GPRC6A: variants seen among roughly 807,000 people sequenced by gnomAD.
GPRC6A encodes the protein G protein-coupled receptor class C group 6 member A.
GPRC6A carries 54 observed loss-of-function variants against 47.0 expected under a neutral mutation model. That is an observed-to-expected ratio of 1.15 (90% CI 0.92 to 1.44). The LOEUF (loss-of-function observed/expected upper bound fraction) is 1.44, where lower values mean the gene tolerates loss of function less well. GPRC6A is among the 40% of genes most tolerant of loss of function. GPRC6A has a pLI of 0.00. For missense variants in GPRC6A, 1,112 were observed against 1,105.5 expected, an observed-to-expected ratio of 1.01 and a Z score of -0.08; for synonymous variants, 347 against 377.1, an observed-to-expected ratio of 0.92 and a Z score of 0.93.
At chr6:116,812,872 CA>C (rs2114604909) in intron 1 of GPRC6A, among the ~76,000 whole-genome samples, 1 of 152,240 alleles carries the variant, frequency 6.6e-6, no homozygotes, top group South Asian at 2.1e-4. Flanking sequence ...TCATCTCAGC[CA>C]AAAATCTCCT....
At chr6:116,824,669 A>T (rs1773621837) in intron 1 of GPRC6A, among the ~76,000 whole-genome samples, 1 of 152,040 alleles carries the variant, frequency 6.6e-6, no homozygotes, top group African/African-American at 2.4e-5. Context: ...ATATATAAAG[A>T]AGAAATAATA....
chr6:116,822,978 G>A (rs1436110868), intron 1 of GPRC6A, among the ~76,000 whole-genome samples: 1 of 150,948 alleles, frequency 6.6e-6, no homozygotes, highest in South Asian at 2.1e-4. Flanking sequence ...CTGCCATGGA[G>A]GTCTCTGAAA....
At chr6:116,808,867 G>T (rs190098678) in intron 2 of GPRC6A, among the ~76,000 whole-genome samples, 3 of 151,952 alleles carry the variant, frequency 2.0e-5, no homozygotes, top group Admixed American at 2.0e-4. Flanking sequence ...TTATTTTCTG[G>T]TTATTGGCTT....
At chr6:116,807,994 CCTT>C (rs1489670572) in intron 2 of GPRC6A, among the ~76,000 whole-genome samples, 2 of 150,378 alleles carry the variant, frequency 1.3e-5, no homozygotes, top group South Asian at 2.1e-4. Flanking sequence ...TTCTTTCGTT[CCTT>C]CTTTTTTTTT....
intron 1 of GPRC6A, among the ~76,000 whole-genome samples, chr6:116,812,772 A>G (rs1773069666): frequency 6.6e-6 from 1 of 152,220 alleles, no homozygotes; most frequent in Non-Finnish European, 1.5e-5. Context: ...ATCAGGCAAG[A>G]TAAAGAAATA....
intron 2 of GPRC6A, 25 bp downstream of exon 2, chr6:116,809,289 T>C (rs1425181122): frequency 6.3e-7 from 1 of 1,578,748 alleles, no homozygotes; most frequent in Admixed American, 1.7e-5. Context: ...TCAAAAGCAA[T>C]GTTTGGAGGT....
chr6:116,822,181 G>T (rs1773511807), intron 1 of GPRC6A, among the ~76,000 whole-genome samples: 1 of 126,112 alleles, frequency 7.9e-6, no homozygotes, highest in Non-Finnish European at 1.6e-5. Context: ...ACACCAGTTA[G>T]AATGGCAATC....
At chr6:116,819,103 G>C (rs947989390) in intron 1 of GPRC6A, among the ~76,000 whole-genome samples, 1 of 152,040 alleles carries the variant, frequency 6.6e-6, no homozygotes, top group Admixed American at 6.6e-5. Context: ...GATCAAAAGA[G>C]ACAAAGAAGG....
chr6:116,823,075 T>TC (rs779594298), intron 1 of GPRC6A, among the ~76,000 whole-genome samples: 48 of 152,142 alleles, frequency 3.2e-4, no homozygotes, highest in Non-Finnish European at 4.7e-4. Flanking sequence ...CTTCAATTCC[T>TC]CCCCCAGAAA....
chr6:116,816,566 A>G (rs1773214410), intron 1 of GPRC6A, among the ~76,000 whole-genome samples: 2 of 152,256 alleles, frequency 1.3e-5, no homozygotes, highest in Admixed American at 1.3e-4. Context: ...GCTCCGGTCT[A>G]CAGCTCCCAG....
intron 2 of GPRC6A, among the ~76,000 whole-genome samples, chr6:116,808,784 A>C (rs1772932020): frequency 6.6e-6 from 1 of 151,986 alleles, no homozygotes; most frequent in Non-Finnish European, 1.5e-5. Context: ...GACTTAATTG[A>C]CTCTGAGTAA....
chr6:116,800,344 TTTCC>T (rs1772630502), intron 4 of GPRC6A, among the ~76,000 whole-genome samples: 1 of 135,902 alleles, frequency 7.4e-6, no homozygotes, highest in Non-Finnish European at 1.6e-5. Context: ...TCCTTCCTTC[TTTCC>T]TTCTTTCTTT....
intron 1 of GPRC6A, among the ~76,000 whole-genome samples, chr6:116,818,446 A>G (rs2114613805): frequency 7.4e-6 from 1 of 135,028 alleles, no homozygotes; most frequent in Non-Finnish European, 1.6e-5. Flanking sequence ...AGGCAGGAGA[A>G]TGGCGTGAAC....
chr6:116,825,326 T>C (rs1291973909), intron 1 of GPRC6A, among the ~76,000 whole-genome samples: 4 of 152,040 alleles, frequency 2.6e-5, no homozygotes, highest in Non-Finnish European at 5.9e-5. Flanking sequence ...TTATCTTATA[T>C]TTAGAAATAC....
At chr6:116,807,450 C>T (rs745716243) in intron 2 of GPRC6A, among the ~76,000 whole-genome samples, 16 of 152,090 alleles carry the variant, frequency 1.1e-4, no homozygotes, top group Admixed American at 2.0e-4. Flanking sequence ...TCCATTTACA[C>T]GTCTATATTC....
chr6:116,793,069 G>T lies in GPRC6A; in HGVS notation c.1854C>A (p.Asn618Lys). ...ATGATTTCACAACAGGTGTGTTCAG[G>T]TTTCTTGTAAATATTATGCCAACAA... ...VLVVGIIFTR[N>K]LNTPVVKSSG... Residue 618 changes from asparagine to lysine, a missense_variant, in exon 6 of 6, where the codon AAC becomes AAA. Asn to Lys is a moderately conservative substitution (Grantham distance 94). Transcript: ENST00000310357. The T allele has an allele frequency of 6.2e-7, 1 of 1,613,890 alleles. No individual in the cohort carries two copies. Among genetic ancestry groups the T allele is most frequent in the African/African-American group, 1.3e-5 (1 of 75,020 alleles).
intron 1 of GPRC6A, among the ~76,000 whole-genome samples, chr6:116,820,475 A>C (rs376545469): frequency 1.0e-3 from 151 of 151,726 alleles, no homozygotes; most frequent in Middle Eastern, 3.4e-3. Context: ...TACTGGCAAA[A>C]CGAATCCAGC....
intron 1 of GPRC6A, among the ~76,000 whole-genome samples, chr6:116,811,885 C>A (rs1000007307): frequency 6.6e-6 from 1 of 151,526 alleles, no homozygotes; most frequent in Non-Finnish European, 1.5e-5. Context: ...TATGGAACAC[C>A]ATGAAGTGAC....
rs1772364435 is a variant in GPRC6A, at chr6:116,793,007, C to T, written c.1916G>A (p.Cys639Tyr). The T allele has an allele frequency of 3.1e-6, 5 of 1,613,930 alleles. No homozygotes were observed. In the Admixed American group the frequency reaches 5.0e-5, roughly 16 times the overall value. ...GLRVCYVILL[C>Y]HFLNFASTSF... ...CGTGCTGGCAAAATTGAGGAAATGA[C>T]AGAGAAGGATCACATAGCAGACTCT... The change falls in exon 6 of 6, where the codon TGT becomes TAT. Residue 639 changes from cysteine to tyrosine, a missense_variant. Physicochemically the swap from Cys to Tyr is radical, Grantham distance 194 (BLOSUM62 -2). Transcript: ENST00000310357.
Sources: allele counts gnomAD v4.1 joint callset (sites outside exome capture counted in the v4.1 genomes callset), GRCh38; gene constraint gnomAD v4.1.1; transcripts MANE v1.5; gene names NCBI Gene and HGNC (gene_info 2026-07-23, HGNC 2026-07-21).